The following CSNK1G1 variants were observed in gnomAD, a reference collection of about 807,000 sequenced individuals.
CSNK1G1 encodes the protein casein kinase 1 gamma 1.
In CSNK1G1, 22 loss-of-function variants were observed where a neutral mutation model predicts 59.6. The ratio of observed to expected loss-of-function variants is 0.37; its 90% CI spans 0.26 to 0.53. The LOEUF (loss-of-function observed/expected upper bound fraction) is 0.53, where lower values mean the gene tolerates loss of function less well. CSNK1G1 is among the 20% of genes least tolerant of loss of function. CSNK1G1 has a pLI of 0.89. For missense variants in CSNK1G1, 384 were observed against 519.5 expected (o/e 0.74, Z 2.54); for synonymous variants, 179 against 177.1 (o/e 1.01, Z -0.08).
At chr15:64,292,209 C>CAAA (rs771506245) in intron 2 of CSNK1G1, among the ~76,000 whole-genome samples, 1 of 55,176 alleles carries the variant, frequency 1.8e-5, no homozygotes, top group Non-Finnish European at 3.8e-5. Context: ...GACTCCGTCA[C>CAAA]AAAAAAAAAA....
In CSNK1G1 at chr15:64,171,760, C is replaced by T; in HGVS notation, c.*171G>A. ...GCAGGCGGAGATGGCCAATGACCCA[C>T]TAGGCCCTGGCTGCCCGCACTGGCC... On this transcript the variant is annotated 3_prime_UTR_variant, in exon 12 of 12. Transcript: ENST00000303052. This position sits in a 1 kb window ranked among gnomAD's most constrained non-coding sequence, Gnocchi z 4.8. 1 of 648,840 alleles carries T rather than the reference C, an allele frequency of 1.5e-6. No individual in the cohort carries two copies. The allele number at this position is 648,840 out of a possible 1,614,324, so 40.2% of individuals were successfully genotyped here. A position where few individuals can be genotyped will look rare whatever the true frequency, so the allele number is the denominator to read the frequency against.
At chr15:64,257,124 G>A (rs1369106230) in intron 3 of CSNK1G1, among the ~76,000 whole-genome samples, 2 of 151,176 alleles carry the variant, frequency 1.3e-5, no homozygotes, top group Non-Finnish European at 2.9e-5. Flanking sequence ...AGAGAAATGC[G>A]GTACTGAGTC....
intron 10 of CSNK1G1, among the ~76,000 whole-genome samples, chr15:64,199,888 C>T (rs1409175879): frequency 6.6e-6 from 1 of 152,010 alleles, no homozygotes; most frequent in Admixed American, 6.5e-5. Flanking sequence ...AAAAAAAATT[C>T]TATCACATTC....
chr15:64,327,300 G>T (rs1048903397), intron 1 of CSNK1G1, among the ~76,000 whole-genome samples: 3 of 149,802 alleles, frequency 2.0e-5, no homozygotes, highest in Non-Finnish European at 3.0e-5. Context: ...GAGAGCAGTG[G>T]TTCTCCCAGC....
In CSNK1G1 at chr15:64,290,965, T is replaced by C. The variant is rs969363474; in HGVS notation, c.181+9354A>G. Among the ~76,000 whole-genome samples, 5 of 152,224 alleles carry C rather than the reference T, an allele frequency of 3.3e-5. No homozygotes were observed. In the East Asian group the frequency reaches 9.7e-4, roughly 29 times the overall value. On this transcript the variant is annotated intron_variant, in intron 2 of 11. Coordinates refer to ENST00000303052, the MANE Select transcript of CSNK1G1 (RefSeq NM_022048.5). Reference sequence around the variant, plus strand: ...CTGACCTCAGATGATCTGTCTGCTTTGGCCTCCCAAAGTGCTGAGATTACA... The same window carrying C: ...CTGACCTCAGATGATCTGTCTGCTTCGGCCTCCCAAAGTGCTGAGATTACA...
intron 2 of CSNK1G1, among the ~76,000 whole-genome samples, chr15:64,289,996 G>A (rs762009058): frequency 3.3e-5 from 5 of 151,830 alleles, no homozygotes; most frequent in Non-Finnish European, 7.4e-5. Context: ...TTTTTGTTTT[G>A]TTGGTTTTTC....
intron 4 of CSNK1G1, among the ~76,000 whole-genome samples, chr15:64,241,875 T>C (rs760703041): frequency 1.4e-5 from 2 of 147,632 alleles, no homozygotes; most frequent in Non-Finnish European, 3.0e-5. Flanking sequence ...ATCAACAAAA[T>C]TAAGACCAAA....
rs1427547868 is a variant in CSNK1G1 at position 64,207,581 on chromosome 15, T to C, written c.693A>G (p.Arg231=). 1 of 1,613,568 alleles carries C rather than the reference T, an allele frequency of 6.2e-7. No individual in the cohort carries two copies. The highest frequency in any genetic ancestry group is 1.3e-5 in the African/African-American group (1 of 74,874). The part of the protein sequence containing the change: ...NTHLGKEQSR[R]DDLEALGHMF... ...TATGGCCTAGGGCTTCCAAATCATC[T>C]CTCCGGCTTTGCTCTAAAAGGGAAG... The change falls in exon 7 of 12, where the codon AGA becomes AGG. Residue 231 remains arginine (R), a synonymous_variant. Coordinates refer to ENST00000303052, the MANE Select transcript of CSNK1G1 (RefSeq NM_022048.5).
chr15:64,172,004 T>C lies in CSNK1G1; in HGVS notation c.1215-19A>G, dbSNP rs758678862. ...GCAGCACCTGGAGCACAAGGAACAT[T>C]GCAAGTCAGTGCGGGAGGCCTGCAG... On this transcript the variant is annotated intron_variant, in intron 11 of 11. Coordinates refer to ENST00000303052, the MANE Select transcript of CSNK1G1 (RefSeq NM_022048.5). 7.4e-6 allele frequency: 12 copies of C among 1,611,364 alleles called. No homozygotes were observed. The highest frequency in any genetic ancestry group is 9.3e-6 in the Non-Finnish European group (11 of 1,178,092).
intron 2 of CSNK1G1, chr15:64,266,046 G>A: frequency 4.1e-6 from 1 of 243,018 alleles, no homozygotes; most frequent in Admixed American, 4.5e-5. Context: ...TCCAGCCGAG[G>A]TGACAAAACA....
intron 2 of CSNK1G1, among the ~76,000 whole-genome samples, chr15:64,273,679 T>C (rs1037526517): frequency 3.3e-5 from 5 of 150,970 alleles, no homozygotes; most frequent in Admixed American, 2.0e-4. Flanking sequence ...ACTGGAAGAA[T>C]TGTCTTGGGC....
chr15:64,172,355 C>T (rs1209386381), intron 11 of CSNK1G1, among the ~76,000 whole-genome samples: 1 of 152,178 alleles, frequency 6.6e-6, no homozygotes, highest in Non-Finnish European at 1.5e-5. Flanking sequence ...AAATAGTCTA[C>T]ATTGTCTACT....
chr15:64,289,610 C>T (rs1894625844), intron 2 of CSNK1G1, among the ~76,000 whole-genome samples: 1 of 152,104 alleles, frequency 6.6e-6, no homozygotes, highest in African/African-American at 2.4e-5. Context: ...AAAGCATCTG[C>T]ACAGCAAAAG....
intron 1 of CSNK1G1, among the ~76,000 whole-genome samples, chr15:64,337,641 C>G (rs1275549959): frequency 6.6e-6 from 1 of 152,110 alleles, no homozygotes; most frequent in Non-Finnish European, 1.5e-5. Flanking sequence ...TTGTTTTTTA[C>G]TGTGATAAAA....
intron 10 of CSNK1G1, among the ~76,000 whole-genome samples, chr15:64,186,669 C>G (rs2081900467): frequency 6.6e-6 from 1 of 152,120 alleles, no homozygotes; most frequent in African/African-American, 2.4e-5. Flanking sequence ...AGCACCACAC[C>G]TAGCCAATTT....
At chr15:64,203,706 A>G (rs1012129208) in intron 9 of CSNK1G1, among the ~76,000 whole-genome samples, 3 of 151,186 alleles carry the variant, frequency 2.0e-5, no homozygotes, top group African/African-American at 7.3e-5. Context: ...AAAAAAAAAA[A>G]AAAAAAAAAA....
intron 10 of CSNK1G1, chr15:64,181,712 T>A (rs2081816158): frequency 6.3e-6 from 2 of 319,574 alleles, no homozygotes; most frequent in South Asian, 1.0e-4. Flanking sequence ...TCCTAATCTC[T>A]AAAATGGGAG....
chr15:64,254,001 G>GT (rs1892231774), intron 3 of CSNK1G1, among the ~76,000 whole-genome samples: 2 of 152,068 alleles, frequency 1.3e-5, no homozygotes, highest in African/African-American at 4.8e-5. Flanking sequence ...TGAGCCAGGA[G>GT]TGTCAGCGTG....
rs1009208659 is a variant in CSNK1G1, at chr15:64,328,952, T to A, written c.-225+27036A>T. Among the ~76,000 whole-genome samples the A allele has an allele frequency of 2.1e-5, 3 of 143,424 alleles. No homozygotes were observed. In the Admixed American group the frequency reaches 2.1e-4, roughly 10 times the overall value. The allele number at this position is 143,424 out of a possible 152,430, so 94.1% of individuals were successfully genotyped here. A position where few individuals can be genotyped will look rare whatever the true frequency, so the allele number is the denominator to read the frequency against. On this transcript the variant is annotated intron_variant, in intron 1 of 11. Transcript: ENST00000303052. Reference sequence around the variant, plus strand: ...AGGCCATTACATAATGGTAAAGGGATGAATTCAACAAGAGGAGCTAACTAT... The same window carrying A: ...AGGCCATTACATAATGGTAAAGGGAAGAATTCAACAAGAGGAGCTAACTAT...
Sources: allele counts gnomAD v4.1 joint callset (sites outside exome capture counted in the v4.1 genomes callset), GRCh38; gene constraint gnomAD v4.1.1; non-coding constraint Gnocchi (gnomAD v3.1); transcripts MANE v1.5; gene names NCBI Gene and HGNC (gene_info 2026-07-23, HGNC 2026-07-21).